NPAS3: variants seen among roughly 807,000 people sequenced by gnomAD.
The protein encoded by NPAS3 is neuronal PAS domain-containing protein 3.
A neutral mutation model predicts 73.1 loss-of-function variants in NPAS3; 14 were observed. That is an observed-to-expected ratio of 0.19 (90% confidence interval 0.13 to 0.30). NPAS3 has a LOEUF of 0.30. NPAS3 is among the 10% of genes least tolerant of loss of function. The pLI, the probability that NPAS3 is intolerant of heterozygous loss-of-function variation, is 1.00. For synonymous variants in NPAS3, 620 were observed against 541.5 expected, an observed-to-expected ratio of 1.14 and a Z score of -2.01; for missense variants, 1,096 against 1,250.0, an observed-to-expected ratio of 0.88 and a Z score of 1.86.
rs1247747472 is a variant in NPAS3 at position 33,661,873 on chromosome 14, CCCT to C, written c.559-14336_559-14334del. 3.9e-5 allele frequency among the ~76,000 whole-genome samples: 6 copies of C among 152,126 alleles called. No homozygotes were observed. In the South Asian group the frequency reaches 8.3e-4, roughly 21 times the overall value. Reference sequence around the variant, plus strand: ...AATTTTACTTTTGATAAGTTTTCACCCCTCTCTTCCCACCCACTCCCAACCTTT... The same window carrying C: ...AATTTTACTTTTGATAAGTTTTCACCCTCTTCCCACCCACTCCCAACCTTT... On this transcript the variant is annotated intron_variant, in intron 5 of 11. Transcript: ENST00000356141.
At chr14:33,375,704 T>A (rs989357659) in intron 4 of NPAS3, among the ~76,000 whole-genome samples, 1 of 152,214 alleles carries the variant, frequency 6.6e-6, no homozygotes, top group Admixed American at 6.6e-5. Flanking sequence ...TCAAATAAGA[T>A]ATCAGCATTG....
intron 3 of NPAS3, among the ~76,000 whole-genome samples, chr14:33,319,025 T>A (rs1159822665): frequency 2.0e-5 from 3 of 151,474 alleles, no homozygotes; most frequent in Admixed American, 2.0e-4. Flanking sequence ...GGCCGGAGAG[T>A]TTTCCTGTTA....
At chr14:33,267,017 C>A (rs528767130) in intron 3 of NPAS3, among the ~76,000 whole-genome samples, 1 of 152,242 alleles carries the variant, frequency 6.6e-6, no homozygotes, top group South Asian at 2.1e-4. Flanking sequence ...GGGTAATTGC[C>A]AGCTTGACAT....
chr14:32,996,342 C>T (rs982353466), intron 1 of NPAS3, among the ~76,000 whole-genome samples: 1 of 152,124 alleles, frequency 6.6e-6, no homozygotes, highest in Non-Finnish European at 1.5e-5. Context: ...GAGAAAATCC[C>T]ATTTTCTGAG....
intron 6 of NPAS3, among the ~76,000 whole-genome samples, chr14:33,701,267 AT>A (rs1223178386): frequency 6.6e-6 from 1 of 152,232 alleles, no homozygotes; most frequent in Non-Finnish European, 1.5e-5. Context: ...CATTTTACAA[AT>A]GAGAAAACTT....
intron 1 of NPAS3, among the ~76,000 whole-genome samples, chr14:32,947,349 ATTGT>A (rs2036301909): frequency 6.6e-6 from 1 of 152,142 alleles, no homozygotes; most frequent in African/African-American, 2.4e-5. Context: ...AATGATTGAA[ATTGT>A]TTGCAGAACT....
intron 3 of NPAS3, among the ~76,000 whole-genome samples, chr14:33,288,678 C>T (rs138578130): frequency 2.6e-5 from 4 of 151,710 alleles, no homozygotes; most frequent in South Asian, 2.1e-4. Flanking sequence ...AAGCAGAATG[C>T]GGGGGAAGAG....
chr14:33,101,760 C>A (rs2042583847), intron 2 of NPAS3, among the ~76,000 whole-genome samples: 1 of 152,140 alleles, frequency 6.6e-6, no homozygotes, highest in Non-Finnish European at 1.5e-5. Context: ...GATCTCTCTC[C>A]TGACTTTCAT....
chr14:32,940,669 C>A (rs1239650510), intron 1 of NPAS3, among the ~76,000 whole-genome samples: 2 of 152,162 alleles, frequency 1.3e-5, no homozygotes, highest in African/African-American at 4.8e-5. Context: ...TGCTTAGTTG[C>A]AAGATTTAAT....
intron 2 of NPAS3, among the ~76,000 whole-genome samples, chr14:33,133,508 A>G (rs1394118171): frequency 6.6e-6 from 1 of 152,186 alleles, no homozygotes; most frequent in African/African-American, 2.4e-5. Flanking sequence ...TAACTTCCCA[A>G]CTAAACTCTA....
chr14:33,787,737 A>C (rs941199259), intron 9 of NPAS3, among the ~76,000 whole-genome samples: 1 of 152,228 alleles, frequency 6.6e-6, no homozygotes, highest in Non-Finnish European at 1.5e-5. Flanking sequence ...TTCTAAATGA[A>C]AAACTGTCTC....
intron 4 of NPAS3, among the ~76,000 whole-genome samples, chr14:33,427,831 TAA>T (rs567885601): frequency 1.8e-3 from 270 of 152,216 alleles, no homozygotes; most frequent in Non-Finnish European, 3.1e-3. Context: ...TATTCTTATA[TAA>T]ATTCTCATGT....
Position 33,247,783 on chromosome 14 carries a change from A to T in NPAS3, c.385+32357A>T, listed in dbSNP as rs540545463. On this transcript the variant is annotated intron_variant, in intron 3 of 11. Coordinates refer to ENST00000356141, the Ensembl canonical transcript of NPAS3. ...TTTAAATTAAAACCTATTTGCTAAT[A>T]GCACTTTTTTATTTTTTAGAAATCA... 6.8e-4 allele frequency among the ~76,000 whole-genome samples: 104 copies of T among 152,376 alleles called. 3 individuals are homozygous for T. The South Asian group carries it at 0.021, about 31-fold the overall frequency.
chr14:33,494,903 C>CA (rs1449940121), intron 4 of NPAS3, among the ~76,000 whole-genome samples: 1 of 152,038 alleles, frequency 6.6e-6, no homozygotes, highest in East Asian at 1.9e-4. Context: ...ATTTGTTGCA[C>CA]AGCAATCACT....
At position 33,085,347 on chromosome 14, in the gene NPAS3, G is replaced by C. The variant is rs61461147; in HGVS notation, c.140+29353G>C. Among the ~76,000 whole-genome samples, 1,246 of 152,310 alleles carry C rather than the reference G, an allele frequency of 8.2e-3. 15 individuals are homozygous for C. The highest frequency in any genetic ancestry group is 0.028 in the African/African-American group (1,154 of 41,576). Reference sequence around the variant, plus strand: ...AATGTTCTGTCCTGGAAGAGGGTTTGAGGAGGAGAAAATGGCGTAATTATT... The same window carrying C: ...AATGTTCTGTCCTGGAAGAGGGTTTCAGGAGGAGAAAATGGCGTAATTATT... On this transcript the variant is annotated intron_variant, in intron 2 of 11. Transcript: ENST00000356141.
At chr14:33,217,645 G>A (rs2047273348) in intron 3 of NPAS3, among the ~76,000 whole-genome samples, 1 of 152,148 alleles carries the variant, frequency 6.6e-6, no homozygotes, top group South Asian at 2.1e-4. Context: ...TTTCTTGGCA[G>A]TCATGGCTAC....
intron 7 of NPAS3, among the ~76,000 whole-genome samples, chr14:33,738,857 A>C (rs1348574528): frequency 6.6e-6 from 1 of 152,140 alleles, no homozygotes; most frequent in African/African-American, 2.4e-5. Flanking sequence ...GATTAGGTCT[A>C]TGTCTGGGGG....
chr14:33,397,892 G>A (rs1242269410), intron 4 of NPAS3, among the ~76,000 whole-genome samples: 3 of 152,098 alleles, frequency 2.0e-5, no homozygotes, highest in Non-Finnish European at 4.4e-5. Context: ...GTTCTACACA[G>A]ATCAGAAATA....
intron 2 of NPAS3, among the ~76,000 whole-genome samples, chr14:33,068,012 G>A (rs1436186337): frequency 1.3e-5 from 2 of 152,044 alleles, no homozygotes; most frequent in Non-Finnish European, 2.9e-5. Context: ...CTAGATTGTT[G>A]CAGTCTCCTA....
Sources: gnomAD v4.1 joint callset for allele counts (sites outside exome capture counted in the v4.1 genomes callset) on GRCh38, gnomAD v4.1.1 for gene constraint, MANE v1.5 for transcripts, NCBI Gene and HGNC (gene_info 2026-07-23, HGNC 2026-07-21) for gene names.